The following SMIM20 variants were observed in gnomAD, a reference collection of about 807,000 sequenced individuals.
SMIM20 encodes the protein small integral membrane protein 20.
A neutral mutation model predicts 8.7 loss-of-function variants in SMIM20; 3 were observed. That is an observed-to-expected ratio of 0.34 (90% CI 0.16 to 0.89). The LOEUF is 0.89. SMIM20 is among the 40% of genes least tolerant of loss of function. The probability of loss-of-function intolerance (pLI) is 0.49; values close to 1 mark genes in which losing one functional copy is unlikely to be tolerated. For missense variants in SMIM20, 85 were observed against 84.8 expected (o/e 1.00, Z -0.01); for synonymous variants, 44 against 33.6 (o/e 1.31, Z -1.07).
intron 1 of SMIM20, 56 bp downstream of exon 1, chr4:25,914,478 C>A: frequency 7.2e-7 from 1 of 1,379,840 alleles, no homozygotes; most frequent in Admixed American, 3.3e-5. Context: ...CACACCTCCC[C>A]TCTGTGAGCT....
At chr4:25,928,200 G>T in intron 1 of SMIM20, 113 bp from the exon 2 acceptor site, 1 of 1,013,096 alleles carries the variant, frequency 9.9e-7, no homozygotes, top group Non-Finnish European at 1.4e-6. Context: ...GAATTTAACA[G>T]CACTCATAAA....
intron 1 of SMIM20, among the ~76,000 whole-genome samples, chr4:25,916,801 C>T (rs1719100564): frequency 1.3e-5 from 2 of 152,208 alleles, no homozygotes; most frequent in South Asian, 4.1e-4. Context: ...AGCGATCCTC[C>T]TGCCTCAGCC....
chr4:25,928,320 A>G lies in SMIM20; in HGVS notation c.117A>G (p.Glu39=). ...TTCTCTTATGTTTCTCAGAGAAGGAACAAGCTATAAATCGGGCTGGAATTG... is the reference window on the plus strand; with the variant it reads ...TTCTCTTATGTTTCTCAGAGAAGGAGCAAGCTATAAATCGGGCTGGAATTG... ...PLMRLEEYKK[E]QAINRAGIVQ... Residue 39 remains glutamate (E), a synonymous_variant, in exon 2 of 3, where the codon GAA becomes GAG. Transcript: ENST00000506197. 6.5e-7 allele frequency: 1 copy of G among 1,550,016 alleles called. No individual in the cohort carries two copies. Among genetic ancestry groups the G allele is most frequent in the African/African-American group, 1.4e-5 (1 of 73,066 alleles).
intron 2 of SMIM20, 149 bp downstream of exon 2, chr4:25,928,518 T>C: frequency 2.6e-6 from 2 of 780,510 alleles, no homozygotes; most frequent in Non-Finnish European, 3.8e-6. Context: ...TCTCAACAGT[T>C]GCCATTTATA....
chr4:25,917,933 GT>G (rs1252198807), intron 1 of SMIM20, among the ~76,000 whole-genome samples: 46 of 139,182 alleles, frequency 3.3e-4, no homozygotes, highest in African/African-American at 7.1e-4. Context: ...GTACAGGTCA[GT>G]TTTTTTTTTT....
rs573783931 is a variant in SMIM20, at chr4:25,928,377, G to GAAA, written c.166+17_166+19dup. ...AGGATGTGCAGCCACCAGGTAAACT[G>GAAA]AAAAAAAAAAATCAAAACCAAATCT... On this transcript the variant is annotated intron_variant, in intron 2 of 2. Transcript: ENST00000506197. 1.6e-6 allele frequency: 2 copies of GAAA among 1,256,472 alleles called. No homozygotes were observed. Among genetic ancestry groups the GAAA allele is most frequent in the Admixed American group, 2.5e-5 (1 of 40,390 alleles). 77.8% of individuals were successfully genotyped at this position (1,256,472 alleles called of 1,614,324 possible). A position where few individuals can be genotyped will look rare whatever the true frequency, so the allele number is the denominator to read the frequency against.
chr4:25,920,938 G>C (rs1719185724), intron 1 of SMIM20, among the ~76,000 whole-genome samples: 1 of 152,204 alleles, frequency 6.6e-6, no homozygotes, highest in South Asian at 2.1e-4. Context: ...AGGCTACACT[G>C]TCTAGGTTTG....
intron 1 of SMIM20, among the ~76,000 whole-genome samples, chr4:25,916,714 C>A (rs1311355380): frequency 2.0e-5 from 3 of 152,000 alleles, no homozygotes; most frequent in Non-Finnish European, 4.4e-5. Context: ...CACCACCAGT[C>A]CTGGCTAATT....
At position 25,928,402 on chromosome 4, in the gene SMIM20, T is replaced by A. The variant is rs184971330; in HGVS notation, c.166+33T>A. The A allele has an allele frequency of 3.1e-4, 482 of 1,545,264 alleles. 6 individuals are homozygous for A. The highest frequency in any genetic ancestry group is 2.5e-3 in the Admixed American group (127 of 50,520). On this transcript the variant is annotated intron_variant, in intron 2 of 2. Transcript: ENST00000506197. ...GAAAAAAAAAAATCAAAACCAAATC[T>A]TATTTGTACTACTGTGTTGTGCGGG...
chr4:25,914,686 G>A (rs1719045457), intron 1 of SMIM20, among the ~76,000 whole-genome samples: 2 of 152,216 alleles, frequency 1.3e-5, no homozygotes, highest in South Asian at 4.1e-4. Flanking sequence ...TCATGTATAT[G>A]AAAGCAGTCC....
chr4:25,914,530 A>T, intron 1 of SMIM20, 108 bp downstream of exon 1: 1 of 1,146,830 alleles, frequency 8.7e-7, no homozygotes, highest in Non-Finnish European at 1.2e-6. Context: ...AGGGTTAGGG[A>T]GAGCCGGGTT....
chr4:25,928,142 A>G (rs1281236650), intron 1 of SMIM20, 171 bp from the exon 2 acceptor site: 2 of 519,808 alleles, frequency 3.8e-6, no homozygotes, highest in East Asian at 3.3e-5. Flanking sequence ...CTTTTGCATT[A>G]TAGGATCTAA....
intron 2 of SMIM20, among the ~76,000 whole-genome samples, chr4:25,928,718 A>G (rs1254533444): frequency 6.6e-6 from 1 of 152,190 alleles, no homozygotes; most frequent in African/African-American, 2.4e-5. Context: ...TCATGGGAAA[A>G]TAGTGTTTAC....
intron 1 of SMIM20, among the ~76,000 whole-genome samples, chr4:25,915,823 T>G (rs1227071910): frequency 7.9e-6 from 1 of 126,718 alleles, no homozygotes; most frequent in Non-Finnish European, 1.6e-5. Context: ...TGGCTCAATC[T>G]GGAGACATTT....
chr4:25,918,295 T>G (rs995679627), intron 1 of SMIM20, among the ~76,000 whole-genome samples: 1 of 152,142 alleles, frequency 6.6e-6, no homozygotes, highest in African/African-American at 2.4e-5. Context: ...GCTGTTCTCT[T>G]GTTGGGTACA....
At chr4:25,918,382 T>C (rs1362401780) in intron 1 of SMIM20, among the ~76,000 whole-genome samples, 1 of 152,234 alleles carries the variant, frequency 6.6e-6, no homozygotes, top group Non-Finnish European at 1.5e-5. Context: ...TGTGGCCATG[T>C]TATTAGGTGC....
chr4:25,918,034 C>T (rs1391520668), intron 1 of SMIM20, among the ~76,000 whole-genome samples: 1 of 151,576 alleles, frequency 6.6e-6, no homozygotes, highest in Non-Finnish European at 1.5e-5. Context: ...GCTCCGCCTC[C>T]CGGGTTCACG....
intron 1 of SMIM20, among the ~76,000 whole-genome samples, chr4:25,927,280 T>G (rs1192221195): frequency 6.6e-6 from 1 of 152,218 alleles, no homozygotes. Context: ...AAACTTAGTA[T>G]TGATAAAACT....
At chr4:25,928,410 A>G (rs1711565882) in intron 2 of SMIM20, 41 bp downstream of exon 2, 2 of 1,541,062 alleles carry the variant, frequency 1.3e-6, no homozygotes, top group South Asian at 1.2e-5. Flanking sequence ...TCTTATTTGT[A>G]CTACTGTGTT....
Sources: gnomAD v4.1 joint callset for allele counts (sites outside exome capture counted in the v4.1 genomes callset) on GRCh38, gnomAD v4.1.1 for gene constraint, MANE v1.5 for transcripts, NCBI Gene and HGNC (gene_info 2026-07-23, HGNC 2026-07-21) for gene names.